The following ZNF587 variants were observed in gnomAD, a reference collection of about 807,000 sequenced individuals.
ZNF587 encodes the protein zinc finger protein zfp6.
In ZNF587, 8 loss-of-function variants were observed where a neutral mutation model predicts 7.5. The observed-to-expected ratio is 1.06, with a 90% CI of 0.62 to 1.92. The LOEUF is 1.92. Ranked by LOEUF, ZNF587 falls within the 40% of genes most tolerant of loss-of-function variation. ZNF587 has a pLI of 0.00. For synonymous variants in ZNF587, 145 were observed against 237.8 expected (o/e 0.61, Z 3.59); for missense variants, 468 against 692.8 (o/e 0.68, Z 3.64).
intron 1 of ZNF587, chr19:57,851,433 G>T (rs2071278690): frequency 6.6e-6 from 1 of 152,264 alleles, no homozygotes; most frequent in South Asian, 2.1e-4. Flanking sequence ...ACGGCTGAAA[G>T]GTTGGAAGCA....
rs914514809 is a variant in ZNF587 at position 57,864,781 on chromosome 19, ATTTTT to A, written c.*4646_*4650del. The stretch of plus-strand genomic sequence containing the variant: ...AGTATGTTTGTCTCTTGTGGTGTAA[ATTTTT>A]TTTTATTACACCAAATTATGTTCAC... On this transcript the variant is annotated 3_prime_UTR_variant, in exon 3 of 3. Transcript: ENST00000339656. 6.6e-6 allele frequency: 1 copy of A among 151,494 alleles called. No individual in the cohort carries two copies. Among genetic ancestry groups the A allele is most frequent in the East Asian group, 1.9e-4 (1 of 5,172 alleles). The allele number at this position is 151,494 out of a possible 1,614,324, so 9.4% of individuals were successfully genotyped here. A position where few individuals can be genotyped will look rare whatever the true frequency, so the allele number is the denominator to read the frequency against.
In ZNF587 at chr19:57,859,640, T is replaced by G. The variant is rs1240965371; in HGVS notation, c.1228T>G (p.Cys410Gly). 3.7e-6 allele frequency: 6 copies of G among 1,613,750 alleles called. No individual in the cohort carries two copies. Among genetic ancestry groups the G allele is most frequent in the Non-Finnish European group, 5.1e-6 (6 of 1,179,988 alleles). ...RGHTGERPYE[C>G]KECGKSFRYR... ...TCATACTGGAGAAAGGCCCTATGAG[T>G]GCAAGGAATGTGGGAAATCATTTAG... Residue 410 changes from cysteine to glycine, a missense_variant, in exon 3 of 3, where the codon TGC (cysteine) becomes GGC (glycine). Around this residue, in one of 5 missense-constraint regions of ZNF587, gnomAD observed 310 missense variants for 325.6 expected, o/e 0.95. Transcript: ENST00000339656.
rs59253366 is a variant in ZNF587, at chr19:57,861,773, C to CTTTTTTTTTTTTTTTTTTTTTT, written c.*1649_*1650insTTTTTTTTTTTTTTTTTTTTTT. Reference sequence around the variant, plus strand: ...TTTGCTGCAAGGAATATTTGGTTTTCTTTTTTTTTTTTTTTTCCAGATGGA... The same window carrying CTTTTTTTTTTTTTTTTTTTTTT: ...TTTGCTGCAAGGAATATTTGGTTTTCTTTTTTTTTTTTTTTTTTTTTTTTTTTTTTTTTTTTTTCCAGATGGA... On this transcript the variant is annotated 3_prime_UTR_variant, in exon 3 of 3. Transcript: ENST00000339656. 130 of 119,246 alleles carry CTTTTTTTTTTTTTTTTTTTTTT rather than the reference C, an allele frequency of 1.1e-3. 4 individuals are homozygous for CTTTTTTTTTTTTTTTTTTTTTT. The highest frequency in any genetic ancestry group is 4.7e-3 in the Middle Eastern group (1 of 212). 7.4% of individuals were successfully genotyped at this position (119,246 alleles called of 1,614,324 possible).
chr19:57,858,122 CTTT>C (rs572536483), intron 2 of ZNF587: 12 of 123,554 alleles, frequency 9.7e-5, no homozygotes, highest in East Asian at 9.7e-4. Context: ...GAAGCCCCAT[CTTT>C]TTTTTTTTTT....
In ZNF587 at chr19:57,859,806, C is replaced by T. The variant is rs1284670040; in HGVS notation, c.1394C>T (p.Ala465Val). 2.5e-6 allele frequency: 4 copies of T among 1,612,978 alleles called. No individual in the cohort carries two copies. Among genetic ancestry groups the T allele is most frequent in the South Asian group, 1.1e-5 (1 of 91,032 alleles). Residue 465 changes from alanine (A) to valine (V), a missense_variant, in exon 3 of 3, where the codon GCG becomes GTG. Coordinates refer to ENST00000339656, the MANE Select transcript of ZNF587 (RefSeq NM_032828.4). ...ERVHTGERPY[A>V]CEVCGKLFGN... Reference sequence around the variant, plus strand: ...GTTCACACTGGAGAAAGGCCATATGCGTGTGAGGTATGTGGGAAATTATTT... The same window carrying T: ...GTTCACACTGGAGAAAGGCCATATGTGTGTGAGGTATGTGGGAAATTATTT...
intron 2 of ZNF587, among the ~76,000 whole-genome samples, chr19:57,856,565 G>A (rs1038760512): frequency 5.9e-5 from 9 of 151,872 alleles, no homozygotes; most frequent in South Asian, 4.1e-4. Context: ...CTACCACCAC[G>A]CCTGGCTAAT....
chr19:57,856,382 GGTGT>G lies in ZNF587; in HGVS notation c.163+154_163+157del. On this transcript the variant is annotated intron_variant, in intron 2 of 2. Transcript: ENST00000339656. Reference sequence around the variant, plus strand: ...TAAGTTGTGTGGTTCGTAGGAGTAAGGTGTGTGTATTGCCTTTTCCTCTCCTGTT... The same window carrying G: ...TAAGTTGTGTGGTTCGTAGGAGTAAGGTGTATTGCCTTTTCCTCTCCTGTT... 4.5e-6 allele frequency: 6 copies of G among 1,333,260 alleles called. No individual in the cohort carries two copies. In the South Asian group the frequency reaches 1.1e-4, roughly 24 times the overall value. 82.6% of individuals were successfully genotyped at this position (1,333,260 alleles called of 1,614,324 possible). A position where few individuals can be genotyped will look rare whatever the true frequency, so the allele number is the denominator to read the frequency against.
chr19:57,851,319 G>A (rs1319026070), intron 1 of ZNF587: 1 of 152,168 alleles, frequency 6.6e-6, no homozygotes, highest in Non-Finnish European at 1.5e-5. Context: ...GGCAAGAAAG[G>A]GGTCTTTTCA....
chr19:57,856,899 G>A (rs1002992217), intron 2 of ZNF587: 9 of 152,014 alleles, frequency 5.9e-5, no homozygotes, highest in African/African-American at 2.2e-4. Context: ...ATCTGACAAT[G>A]CTTTGTGCCT....
chr19:57,859,415 C>A lies in ZNF587; in HGVS notation c.1003C>A (p.Gln335Lys). ...TAGAGAATGTGGGAAATCTTTTGGT[C>A]AAAAGGGTAACCTCATTCAACATCA... ...ECRECGKSFG[Q>K]KGNLIQHQQG... The change falls in exon 3 of 3, where the codon CAA becomes AAA. Residue 335 changes from glutamine (Q) to lysine (K), a missense_variant. Transcript: ENST00000339656. 6.2e-7 allele frequency: 1 copy of A among 1,609,616 alleles called. No individual in the cohort carries two copies. Among genetic ancestry groups the A allele is most frequent in the South Asian group, 1.1e-5 (1 of 91,012 alleles).
rs1416638668 is a variant in ZNF587 at position 57,862,277 on chromosome 19, A to G, written c.*2137A>G. 1 of 152,194 alleles carries G rather than the reference A, an allele frequency of 6.6e-6. No homozygotes were observed. Among genetic ancestry groups the G allele is most frequent in the African/African-American group, 2.4e-5 (1 of 41,460 alleles). The allele number at this position is 152,194 out of a possible 1,614,324, so 9.4% of individuals were successfully genotyped here. A position where few individuals can be genotyped will look rare whatever the true frequency, so the allele number is the denominator to read the frequency against. ...GTTTGTACTTCCTCACAGTTCTCAC[A>G]TATGGAAAGGATACACACTTTGTAG... On this transcript the variant is annotated 3_prime_UTR_variant, in exon 3 of 3. Coordinates refer to ENST00000339656, the MANE Select transcript of ZNF587 (RefSeq NM_032828.4).
rs890634243 is a variant in ZNF587 at position 57,862,207 on chromosome 19, T to A, written c.*2067T>A. ...AGTTAAGATGCCACCATAGCTTTCT[T>A]TTCAACATCTTTCTAAGATTACCTT... On this transcript the variant is annotated 3_prime_UTR_variant, in exon 3 of 3. Transcript: ENST00000339656. 6.6e-6 allele frequency: 1 copy of A among 152,182 alleles called. No homozygotes were observed. Among genetic ancestry groups the A allele is most frequent in the African/African-American group, 2.4e-5 (1 of 41,432 alleles). 9.4% of individuals were successfully genotyped at this position (152,182 alleles called of 1,614,324 possible).
chr19:57,850,106 C>T (rs377053348), intron 1 of ZNF587, 35 bp downstream of exon 1: 6 of 1,614,100 alleles, frequency 3.7e-6, no homozygotes, highest in African/African-American at 2.7e-5. Context: ...TCAGGTCACC[C>T]CATCGTCACC....
chr19:57,864,075 AT>A lies in ZNF587; in HGVS notation c.*3936del, dbSNP rs2071473571. 2 of 149,606 alleles carry A rather than the reference AT, an allele frequency of 1.3e-5. No individual in the cohort carries two copies. The highest frequency in any genetic ancestry group is 3.0e-5 in the Non-Finnish European group (2 of 67,526). 9.3% of individuals were successfully genotyped at this position (149,606 alleles called of 1,614,324 possible). A position where few individuals can be genotyped will look rare whatever the true frequency, so the allele number is the denominator to read the frequency against. ...AAAAAAAACTCAATCCATAAATGTT[AT>A]ACTTTATAACTTTATAACAGCATGT... On this transcript the variant is annotated 3_prime_UTR_variant, in exon 3 of 3. Transcript: ENST00000339656.
rs759616786 is a variant in ZNF587, at chr19:57,860,257, G to C, written c.*117G>C. 2 of 1,578,500 alleles carry C rather than the reference G, an allele frequency of 1.3e-6. No homozygotes were observed. Among genetic ancestry groups the C allele is most frequent in the South Asian group, 1.1e-5 (1 of 87,270 alleles). On this transcript the variant is annotated 3_prime_UTR_variant, in exon 3 of 3. Coordinates refer to ENST00000339656, the MANE Select transcript of ZNF587 (RefSeq NM_032828.4). ...CAATGTGGAAAACATCAGAATGTCT[G>C]CTGTCCTCGGTCTTAAGCGACTTCG...
chr19:57,860,415 C>T lies in ZNF587; in HGVS notation c.*275C>T. ...TCCTGAGTAGCTGGGATTATGAGTA[C>T]ACACCACCACGCCCAGCTAATTTTT... is the stretch of plus-strand genomic sequence containing the variant. On this transcript the variant is annotated 3_prime_UTR_variant, in exon 3 of 3. Coordinates refer to ENST00000339656, the MANE Select transcript of ZNF587 (RefSeq NM_032828.4). The T allele has an allele frequency of 1.1e-5, 6 of 523,412 alleles. No individual in the cohort carries two copies. The South Asian group carries it at 1.4e-4, about 12-fold the overall frequency. 32.4% of individuals were successfully genotyped at this position (523,412 alleles called of 1,614,324 possible).
chr19:57,856,953 A>G (rs2071364125), intron 2 of ZNF587: 1 of 151,780 alleles, frequency 6.6e-6, no homozygotes, highest in South Asian at 2.1e-4. Context: ...CACTACCTAC[A>G]TAGACCATAG....
chr19:57,855,647 C>T (rs757087292), intron 1 of ZNF587, among the ~76,000 whole-genome samples: 6 of 149,742 alleles, frequency 4.0e-5, no homozygotes, highest in Non-Finnish European at 7.4e-5. Context: ...CTACAAACCC[C>T]GCCTCCTGGG....
At chr19:57,855,949 C>A in intron 1 of ZNF587, 155 bp from the exon 2 acceptor site, 2 of 1,301,738 alleles carry the variant, frequency 1.5e-6, no homozygotes, top group Non-Finnish European at 2.1e-6. Context: ...ATTTGACCAG[C>A]AGGCCCATGA....
Sources: allele counts gnomAD v4.1 joint callset (sites outside exome capture counted in the v4.1 genomes callset), GRCh38; gene constraint gnomAD v4.1.1; regional missense constraint gnomAD v4.1.1; transcripts MANE v1.5; gene names NCBI Gene and HGNC (gene_info 2026-07-23, HGNC 2026-07-21).